CMIP: variants seen among roughly 807,000 people sequenced by gnomAD.
CMIP encodes C-Maf-inducing protein.
In CMIP, 13 loss-of-function variants were observed where a neutral mutation model predicts 97.3. The observed-to-expected ratio is 0.13, with a 90% CI of 0.09 to 0.21. CMIP has a LOEUF of 0.21. Ranked by LOEUF, CMIP falls within the 10% of genes least tolerant of loss-of-function variation. The probability of loss-of-function intolerance (pLI) is 1.00; values close to 1 mark genes in which losing one functional copy is unlikely to be tolerated. For missense variants in CMIP, 847 were observed against 1,024.9 expected (o/e 0.83, Z 2.37); for synonymous variants, 538 against 436.3 (o/e 1.23, Z -2.91).
chr16:81,529,700 G>A (rs2053885360), intron 1 of CMIP, among the ~76,000 whole-genome samples: 1 of 152,210 alleles, frequency 6.6e-6, no homozygotes, highest in South Asian at 2.1e-4. Context: ...CTGAGTCTGA[G>A]GAGGAGATGT....
At chr16:81,638,658 A>G (rs2092266492) in intron 3 of CMIP, among the ~76,000 whole-genome samples, 2 of 151,670 alleles carry the variant, frequency 1.3e-5, no homozygotes, top group South Asian at 4.2e-4. Flanking sequence ...GCACCTGAGA[A>G]TGTTTTCCCC....
intron 1 of CMIP, among the ~76,000 whole-genome samples, chr16:81,457,131 G>C (rs1476254754): frequency 6.6e-5 from 10 of 151,944 alleles, no homozygotes; most frequent in Non-Finnish European, 8.8e-5. Flanking sequence ...CCATGCCTCT[G>C]ACCTTTGGCA....
chr16:81,631,683 T>G (rs1020683095), intron 3 of CMIP: 17 of 152,338 alleles, frequency 1.1e-4, no homozygotes, highest in African/African-American at 3.9e-4. Context: ...CTGGGTGGTG[T>G]TCTGTTGTCT....
At chr16:81,638,342 CCT>C (rs1227667605) in intron 3 of CMIP, among the ~76,000 whole-genome samples, 1 of 152,156 alleles carries the variant, frequency 6.6e-6, no homozygotes, top group Non-Finnish European at 1.5e-5. Context: ...CAGGAGTTTG[CCT>C]CTCTTAGTGA....
chr16:81,467,077 G>C (rs1853207096), intron 1 of CMIP, among the ~76,000 whole-genome samples: 1 of 152,208 alleles, frequency 6.6e-6, no homozygotes, highest in South Asian at 2.1e-4. Flanking sequence ...GATCTTCTTG[G>C]GCTCTAGAAG....
chr16:81,472,741 G>A (rs1271325930), intron 1 of CMIP, among the ~76,000 whole-genome samples: 1 of 152,224 alleles, frequency 6.6e-6, no homozygotes, highest in South Asian at 2.1e-4. Context: ...AGCTGATCCT[G>A]TGCAGATGTG....
intron 1 of CMIP, among the ~76,000 whole-genome samples, chr16:81,553,098 G>A (rs754338448): frequency 2.6e-5 from 4 of 152,202 alleles, no homozygotes; most frequent in Non-Finnish European, 5.9e-5. Flanking sequence ...GCTTAGCCAC[G>A]TGGGTCCCAG....
At position 81,616,465 on chromosome 16, in the gene CMIP, G is replaced by A. The variant is rs1214522120; in HGVS notation, c.427-4411G>A. Among the ~76,000 whole-genome samples, 1 of 152,250 alleles carries A rather than the reference G, an allele frequency of 6.6e-6. No individual in the cohort carries two copies. The highest frequency in any genetic ancestry group is 1.5e-5 in the Non-Finnish European group (1 of 68,038). On this transcript the variant is annotated intron_variant, in intron 2 of 20. Transcript: ENST00000537098. The surrounding 1 kb of genome is among the most constrained non-coding windows in gnomAD (Gnocchi z 4.7). ...TGAGGAGGAGAGGAGGTGTGTGTGAGCATTTCTCGTGGTGCCTGGTACCGA... is the reference window on the plus strand; with the variant it reads ...TGAGGAGGAGAGGAGGTGTGTGTGAACATTTCTCGTGGTGCCTGGTACCGA...
intron 1 of CMIP, among the ~76,000 whole-genome samples, chr16:81,588,377 A>T (rs960401143): frequency 2.0e-5 from 3 of 152,116 alleles, no homozygotes; most frequent in African/African-American, 7.2e-5. Context: ...TGTCCCTTCC[A>T]GTTGATTCTC....
At chr16:81,625,844 T>C (rs749027024) in intron 3 of CMIP, among the ~76,000 whole-genome samples, 2 of 152,300 alleles carry the variant, frequency 1.3e-5, no homozygotes, top group Middle Eastern at 6.8e-3. Flanking sequence ...CGAGGCACAC[T>C]AGTCCTGGAA....
intron 1 of CMIP, among the ~76,000 whole-genome samples, chr16:81,511,685 C>T (rs1342341867): frequency 6.6e-6 from 1 of 152,192 alleles, no homozygotes; most frequent in African/African-American, 2.4e-5. Context: ...CTCAGCCTTC[C>T]TGGTAGCTGG....
intron 1 of CMIP, among the ~76,000 whole-genome samples, chr16:81,557,364 C>T (rs1253789738): frequency 6.8e-6 from 1 of 146,720 alleles, no homozygotes; most frequent in African/African-American, 2.7e-5. Flanking sequence ...TGGTTGAATT[C>T]ACTCATGTTG....
intron 1 of CMIP, among the ~76,000 whole-genome samples, chr16:81,466,208 G>C (rs1167092009): frequency 6.6e-6 from 1 of 152,106 alleles, no homozygotes; most frequent in Non-Finnish European, 1.5e-5. Context: ...CTGCGGGTGT[G>C]TGCCACCACA....
Position 81,696,671 on chromosome 16 carries a change from C to T in CMIP, c.1638+4C>T, listed in dbSNP as rs79979027. 6.0e-5 allele frequency: 96 copies of T among 1,604,102 alleles called. 2 individuals are homozygous for T. In the African/African-American group the frequency reaches 7.3e-4, roughly 12 times the overall value. On this transcript the variant is annotated splice_donor_region_variant and intron_variant, in intron 14 of 20. Transcript: ENST00000537098. ...CGGGGAGCTGTTCGCCAGCATGGTA[C>T]GCAGTGGGACCCCAGTGGGGTGACT...
chr16:81,615,341 TTGTG>T (rs201720005), intron 2 of CMIP, among the ~76,000 whole-genome samples: 16 of 144,490 alleles, frequency 1.1e-4, no homozygotes, highest in South Asian at 4.5e-4. Flanking sequence ...GTATGTGTCT[TTGTG>T]TGTGTGGTAT....
At chr16:81,448,179 TATCAGTC>T (rs1905981152) in intron 1 of CMIP, among the ~76,000 whole-genome samples, 1 of 152,178 alleles carries the variant, frequency 6.6e-6, no homozygotes, top group Non-Finnish European at 1.5e-5. Flanking sequence ...TTACTTGAAA[TATCAGTC>T]ATCCATATTT....
At chr16:81,613,269 C>T (rs986726819) in intron 2 of CMIP, among the ~76,000 whole-genome samples, 8 of 152,304 alleles carry the variant, frequency 5.3e-5, no homozygotes, top group African/African-American at 1.9e-4. Flanking sequence ...AGGGCAGCTA[C>T]CATGGAGAAA....
chr16:81,465,483 A>G (rs894040543), intron 1 of CMIP, among the ~76,000 whole-genome samples: 5 of 152,204 alleles, frequency 3.3e-5, no homozygotes, highest in Non-Finnish European at 7.3e-5. Flanking sequence ...CTGTCCCCAG[A>G]CTGGACCCCG....
chr16:81,634,242 G>A (rs140869578), intron 3 of CMIP, among the ~76,000 whole-genome samples: 154 of 152,330 alleles, frequency 1.0e-3, no homozygotes, highest in African/African-American at 3.5e-3. Context: ...TCTATTGAGT[G>A]CCTACTGTTT....
Sources: allele counts gnomAD v4.1 joint callset (sites outside exome capture counted in the v4.1 genomes callset), GRCh38; gene constraint gnomAD v4.1.1; non-coding constraint Gnocchi (gnomAD v3.1); transcripts MANE v1.5; gene names NCBI Gene and HGNC (gene_info 2026-07-23, HGNC 2026-07-21).